Variants in ALKBH6 observed in about 807,000 individuals in gnomAD.
The protein encoded by ALKBH6 is probable RNA/DNA demethylase ALKBH6.
In ALKBH6, 20 loss-of-function variants were observed where a neutral mutation model predicts 25.1. The ratio of observed to expected loss-of-function variants is 0.80; its 90% CI spans 0.56 to 1.16. The LOEUF is 1.16. Ranked by LOEUF, ALKBH6 falls within the 50% of genes most tolerant of loss-of-function variation. ALKBH6 has a pLI of 0.00. For synonymous variants in ALKBH6, 156 were observed against 147.5 expected (o/e 1.06, Z -0.42); for missense variants, 263 against 326.5 (o/e 0.81, Z 1.50).
chr19:36,010,532 C>T lies in ALKBH6; in HGVS notation c.453+35G>A. On this transcript the variant is annotated intron_variant, in intron 6 of 6. Coordinates refer to ENST00000378875, the MANE Select transcript of ALKBH6 (RefSeq NM_032878.5). The surrounding 1 kb of genome is among the most constrained non-coding windows in gnomAD (Gnocchi z 5.5). ...TTGGAGGATGTGCGAGGTTGAAGTG[C>T]CTACAAGCAGCTGGGGCAGTGTCTG... 3 of 1,578,302 alleles carry T rather than the reference C, an allele frequency of 1.9e-6. No individual in the cohort carries two copies. Among genetic ancestry groups the T allele is most frequent in the Non-Finnish European group, 2.6e-6 (3 of 1,149,848 alleles).
At chr19:36,009,603 GGTGGGC>G in intron 6 of ALKBH6, 50 bp from the exon 7 acceptor site, 1 of 1,137,594 alleles carries the variant, frequency 8.8e-7, no homozygotes, top group Non-Finnish European at 1.1e-6. Flanking sequence ...GGGGGGTGGG[GGTGGGC>G]GAGAGGTCGG....
rs1599681846 is a variant in ALKBH6 at position 36,009,124 on chromosome 19, G to T, written c.*166C>A. 1.7e-6 allele frequency: 2 copies of T among 1,179,224 alleles called. No individual in the cohort carries two copies. Among genetic ancestry groups the T allele is most frequent in the Non-Finnish European group, 1.1e-6 (1 of 940,048 alleles). The allele number at this position is 1,179,224 out of a possible 1,614,324, so 73.0% of individuals were successfully genotyped here. A position where few individuals can be genotyped will look rare whatever the true frequency, so the allele number is the denominator to read the frequency against. On this transcript the variant is annotated 3_prime_UTR_variant, in exon 7 of 7. Transcript: ENST00000378875. ...AAATAAAAATATAAAACCAAGGAAA[G>T]ATTTTTTTGTTTATTTGGTATGGGG... is the stretch of plus-strand genomic sequence containing the variant.
At chr19:36,011,261 C>T in intron 4 of ALKBH6, 143 bp downstream of exon 4, 1 of 1,173,900 alleles carries the variant, frequency 8.5e-7, no homozygotes, top group Non-Finnish European at 1.2e-6. Context: ...TCAGGACCTC[C>T]ACTGACCCCT....
At position 36,013,293 on chromosome 19, in the gene ALKBH6, C is replaced by T. The variant is rs189486293; in HGVS notation, c.54+51G>A. ...GAAGGGGGCAGTCCCAACCCAAGAA[C>T]TCAGGAATCAGCCTGCCTCCTTCAC... On this transcript the variant is annotated intron_variant, in intron 2 of 6. Coordinates refer to ENST00000378875, the MANE Select transcript of ALKBH6 (RefSeq NM_032878.5). This position sits in a 1 kb window ranked among gnomAD's most constrained non-coding sequence, Gnocchi z 4.6. The T allele has an allele frequency of 6.2e-7, 1 of 1,607,866 alleles. No homozygotes were observed. The highest frequency in any genetic ancestry group is 8.5e-7 in the Non-Finnish European group (1 of 1,174,780).
Position 36,013,170 on chromosome 19 carries a change from G to A in ALKBH6, c.55-81C>T. 6 of 1,487,756 alleles carry A rather than the reference G, an allele frequency of 4.0e-6. No homozygotes were observed. In the South Asian group the frequency reaches 5.7e-5, roughly 14 times the overall value. 92.2% of individuals were successfully genotyped at this position (1,487,756 alleles called of 1,614,324 possible). On this transcript the variant is annotated intron_variant, in intron 2 of 6. Coordinates refer to ENST00000378875, the MANE Select transcript of ALKBH6 (RefSeq NM_032878.5). This position sits in a 1 kb window ranked among gnomAD's most constrained non-coding sequence, Gnocchi z 4.6. ...TCATCACAGAGCAACCCCTATGCCT[G>A]GAGACAGGCTCAGGATGTCCTCAGA...
chr19:36,013,756 G>A lies in ALKBH6; in HGVS notation c.-25-334C>T, dbSNP rs1968692228. ...CAAAAGCTCTACACATAGCCCCCAG[G>A]GCTGCACTCCAGAGCCCCTTTAAAC... On this transcript the variant is annotated intron_variant, in intron 1 of 6. Coordinates refer to ENST00000378875, the MANE Select transcript of ALKBH6 (RefSeq NM_032878.5). This position sits in a 1 kb window ranked among gnomAD's most constrained non-coding sequence, Gnocchi z 4.6. 1.6e-6 allele frequency: 2 copies of A among 1,279,540 alleles called. No homozygotes were observed. The highest frequency in any genetic ancestry group is 2.0e-6 in the Non-Finnish European group (2 of 1,009,184). The allele number at this position is 1,279,540 out of a possible 1,614,324, so 79.3% of individuals were successfully genotyped here.
intron 3 of ALKBH6, 162 bp from the exon 4 acceptor site, chr19:36,011,626 CT>C (rs1407367485): frequency 1.7e-5 from 13 of 750,356 alleles, no homozygotes; most frequent in African/African-American, 3.6e-5. Flanking sequence ...TGTGGTTTGC[CT>C]TTTTTCCTGG....
intron 6 of ALKBH6, 101 bp from the exon 7 acceptor site, chr19:36,009,654 A>C: frequency 1.2e-6 from 1 of 846,272 alleles, no homozygotes; most frequent in East Asian, 3.4e-5. Context: ...CCAGGGGCAA[A>C]AGCTGAAGAG....
intron 3 of ALKBH6, chr19:36,012,694 C>A (rs1258257399): frequency 1.0e-5 from 3 of 285,970 alleles, no homozygotes; most frequent in Non-Finnish European, 1.4e-5. Flanking sequence ...TATTTGGTAA[C>A]CTTATTGTGC....
Position 36,011,469 on chromosome 19 carries a change from G to C in ALKBH6, c.124-5C>G. 6.2e-7 allele frequency: 1 copy of C among 1,613,830 alleles called. No homozygotes were observed. Among genetic ancestry groups the C allele is most frequent in the South Asian group, 1.1e-5 (1 of 91,054 alleles). On this transcript the variant is annotated splice_region_variant and splice_polypyrimidine_tract_variant and intron_variant, in intron 3 of 6. Transcript: ENST00000378875. ...TGGCTTTGGGGCATTAAAAACCTAA[G>C]AGGTGGGAAGGGGGTCACTCCTTTC...
At position 36,013,536 on chromosome 19, in the gene ALKBH6, C is replaced by T; in HGVS notation, c.-25-114G>A. 6.7e-7 allele frequency: 1 copy of T among 1,501,956 alleles called. No individual in the cohort carries two copies. Among genetic ancestry groups the T allele is most frequent in the Non-Finnish European group, 8.9e-7 (1 of 1,128,246 alleles). 93.0% of individuals were successfully genotyped at this position (1,501,956 alleles called of 1,614,324 possible). A position where few individuals can be genotyped will look rare whatever the true frequency, so the allele number is the denominator to read the frequency against. ...CACCTCAGCCCTCTTCTGAAACGCA[C>T]TTGGTCTCTAAAATCTGAGTCTTCA... On this transcript the variant is annotated intron_variant, in intron 1 of 6. Coordinates refer to ENST00000378875, the MANE Select transcript of ALKBH6 (RefSeq NM_032878.5). The surrounding 1 kb of genome is among the most constrained non-coding windows in gnomAD (Gnocchi z 4.6).
chr19:36,009,442 CGCGGG>C lies in ALKBH6; in HGVS notation c.560_564del (p.Ala187GlyfsTer75). 1 of 1,245,372 alleles carries C rather than the reference CGCGGG, an allele frequency of 8.0e-7. No homozygotes were observed. The highest frequency in any genetic ancestry group is 1.0e-6 in the Non-Finnish European group (1 of 996,662). The allele number at this position is 1,245,372 out of a possible 1,614,324, so 77.1% of individuals were successfully genotyped here. Reference sequence around the variant, plus strand: ...GAGGAGGCGGCGTCCAGCGCGTCTACGCGGGCGGCGGCGATGCCGTGGAGAAGACG... The same window carrying C: ...GAGGAGGCGGCGTCCAGCGCGTCTACCGGCGGCGATGCCGTGGAGAAGACG... On this transcript the variant is annotated frameshift_variant, in exon 7 of 7. Coordinates refer to ENST00000378875, the MANE Select transcript of ALKBH6 (RefSeq NM_032878.5). LOFTEE classifies it high-confidence loss of function.
intron 3 of ALKBH6, chr19:36,012,691 TA>T (rs1968642894): frequency 3.7e-6 from 1 of 270,866 alleles, no homozygotes. Context: ...CTGTATTTGG[TA>T]ACCTTATTGT....
Position 36,010,293 on chromosome 19 carries a change from C to G in ALKBH6, c.453+274G>C. On this transcript the variant is annotated intron_variant, in intron 6 of 6. Transcript: ENST00000378875. The surrounding 1 kb of genome is among the most constrained non-coding windows in gnomAD (Gnocchi z 5.5). ...CCCCGAGTTAATGGCGGTGGGGTAT[C>G]TAAGGATATCAGTGTCTGCTGGGGA... 2.3e-6 allele frequency: 1 copy of G among 433,282 alleles called. No individual in the cohort carries two copies. Among genetic ancestry groups the G allele is most frequent in the Non-Finnish European group, 4.2e-6 (1 of 238,622 alleles). The allele number at this position is 433,282 out of a possible 1,614,324, so 26.8% of individuals were successfully genotyped here. A position where few individuals can be genotyped will look rare whatever the true frequency, so the allele number is the denominator to read the frequency against.
rs1274474050 is a variant in ALKBH6, at chr19:36,011,027, C to T, written c.203G>A (p.Arg68Gln). 6.8e-6 allele frequency: 11 copies of T among 1,609,964 alleles called. No individual in the cohort carries two copies. The highest frequency in any genetic ancestry group is 4.4e-5 in the South Asian group (4 of 90,492). Residue 68 changes from arginine (R) to glutamine (Q), a missense_variant, in exon 5 of 7, where the codon CGA becomes CAA. Around this residue, in one of 3 missense-constraint regions of ALKBH6, gnomAD observed 112 missense variants for 153.0 expected, o/e 0.73. Transcript: ENST00000378875. ...GGGCAGCCGCTCAGGAACCATCCCTCGGGGATGAGGAAGCCCACCTGGGGA... is the reference window on the plus strand; with the variant it reads ...GGGCAGCCGCTCAGGAACCATCCCTTGGGGATGAGGAAGCCCACCTGGGGA... ...LQNWGGLPHP[R>Q]GMVPERLPPW...
intron 4 of ALKBH6, 37 bp downstream of exon 4, chr19:36,011,367 C>T (rs771103863): frequency 8.1e-6 from 13 of 1,607,724 alleles, no homozygotes; most frequent in African/African-American, 1.3e-5. Flanking sequence ...CAGCCTACAT[C>T]CCAGAATCAC....
rs761060469 is a variant in ALKBH6, at chr19:36,010,554, T to G, written c.453+13A>C. 4 of 1,610,750 alleles carry G rather than the reference T, an allele frequency of 2.5e-6. No individual in the cohort carries two copies. The highest frequency in any genetic ancestry group is 3.4e-6 in the Non-Finnish European group (4 of 1,177,470). On this transcript the variant is annotated intron_variant, in intron 6 of 6. Coordinates refer to ENST00000378875, the MANE Select transcript of ALKBH6 (RefSeq NM_032878.5). The surrounding 1 kb of genome is among the most constrained non-coding windows in gnomAD (Gnocchi z 5.5). ...GTGCCTACAAGCAGCTGGGGCAGTG[T>G]CTGGGGGCCCACCTGTTCTGTAGGG...
Position 36,009,450 on chromosome 19 carries a change from G to A in ALKBH6, c.557C>T (p.Ala186Val). ...AYTRLLHGIAAARVDALDAAS... is the reference protein window; with the variant it reads ...AYTRLLHGIAVARVDALDAAS... ...GGCGTCCAGCGCGTCTACGCGGGCGGCGGCGATGCCGTGGAGAAGACGCGT... is the reference window on the plus strand; with the variant it reads ...GGCGTCCAGCGCGTCTACGCGGGCGACGGCGATGCCGTGGAGAAGACGCGT... The change falls in exon 7 of 7, where the codon GCC (alanine) becomes GTC (valine). Residue 186 changes from alanine (A) to valine (V), a missense_variant. Physicochemically the swap from Ala to Val is moderately conservative, Grantham distance 64. Coordinates refer to ENST00000378875, the MANE Select transcript of ALKBH6 (RefSeq NM_032878.5). 8.0e-7 allele frequency: 1 copy of A among 1,246,402 alleles called. No homozygotes were observed. Among genetic ancestry groups the A allele is most frequent in the Non-Finnish European group, 1.0e-6 (1 of 997,286 alleles). 77.2% of individuals were successfully genotyped at this position (1,246,402 alleles called of 1,614,324 possible).
intron 3 of ALKBH6, chr19:36,011,902 A>G (rs1968621118): frequency 6.4e-6 from 1 of 156,948 alleles, no homozygotes; most frequent in Non-Finnish European, 1.4e-5. Context: ...CCTGGCCAAC[A>G]TGGGGAAACC....
Sources: allele counts gnomAD v4.1 joint callset, GRCh38; gene constraint gnomAD v4.1.1; regional missense constraint gnomAD v4.1.1; non-coding constraint Gnocchi (gnomAD v3.1); transcripts MANE v1.5; gene names NCBI Gene and HGNC (gene_info 2026-07-23, HGNC 2026-07-21).